The following RARB variants were observed in gnomAD, a reference collection of about 807,000 sequenced individuals.
RARB encodes HBV-activated protein.
A neutral mutation model predicts 51.9 loss-of-function variants in RARB; 17 were observed. The ratio of observed to expected loss-of-function variants is 0.33; its 90% CI spans 0.22 to 0.49. The LOEUF is 0.49. Among genes scored for constraint, RARB ranks in the 20% least tolerant of loss-of-function variants. The pLI is 0.99. For missense variants in RARB, 369 were observed against 550.8 expected, an observed-to-expected ratio of 0.67 and a Z score of 3.30; for synonymous variants, 215 against 195.4, an observed-to-expected ratio of 1.10 and a Z score of -0.84.
chr3:25,285,255 A>C lies in RARB; in HGVS notation c.178+110680A>C, dbSNP rs1364879917. Among the ~76,000 whole-genome samples, 3 of 152,214 alleles carry C rather than the reference A, an allele frequency of 2.0e-5. No homozygotes were observed. In the East Asian group the frequency reaches 5.8e-4, roughly 29 times the overall value. On this transcript the variant is annotated intron_variant, in intron 5 of 11. Coordinates refer to the RARB transcript ENST00000383772. ...TAGACAAAGCTCCACTGAGAAAGTG[A>C]TATGATGAATTCTGAAGAACAAATT...
At chr3:25,074,132 TAA>T (rs1253376522) in intron 3 of RARB, among the ~76,000 whole-genome samples, 1 of 152,310 alleles carries the variant, frequency 6.6e-6, no homozygotes, top group East Asian at 1.9e-4. Context: ...GGGATCAAAT[TAA>T]AGTGTATGTT....
chr3:24,981,565 C>T (rs1484456650), intron 2 of RARB, among the ~76,000 whole-genome samples: 3 of 152,064 alleles, frequency 2.0e-5, no homozygotes, highest in Non-Finnish European at 4.4e-5. Context: ...GAGAGCAAGG[C>T]TCTGTGGATG....
chr3:25,164,135 TG>T (rs1700523049), intron 4 of RARB, among the ~76,000 whole-genome samples: 1 of 152,070 alleles, frequency 6.6e-6, no homozygotes. Context: ...GTCTGGCCAC[TG>T]GGGAGAAGGT....
intron 2 of RARB, among the ~76,000 whole-genome samples, chr3:24,882,135 G>C (rs1354046135): frequency 1.3e-5 from 2 of 152,132 alleles, no homozygotes; most frequent in Non-Finnish European, 2.9e-5. Context: ...CAAGACTTAG[G>C]AGATTTAGTA....
chr3:25,442,227 C>T (rs1708726622), intron 1 of RARB, among the ~76,000 whole-genome samples: 1 of 152,062 alleles, frequency 6.6e-6, no homozygotes, highest in Non-Finnish European at 1.5e-5. Context: ...CCTCCGCCTC[C>T]CGTGTTCAAG....
At position 24,970,173 on chromosome 3, in the gene RARB, A is replaced by G. The variant is rs766744573; in HGVS notation, c.-379-89952A>G. Among the ~76,000 whole-genome samples the G allele has an allele frequency of 1.1e-4, 17 of 152,214 alleles. No individual in the cohort carries two copies. In the South Asian group the frequency reaches 1.2e-3, roughly 11 times the overall value. On this transcript the variant is annotated intron_variant, in intron 2 of 11. Transcript: ENST00000383772. The stretch of plus-strand genomic sequence containing the variant: ...GTTTCAATTAAACTTTATCAAAGCA[A>G]CAGTGAGCCAGATTTGGCCTATGGC...
At chr3:24,966,606 AT>A (rs1696278287) in intron 2 of RARB, among the ~76,000 whole-genome samples, 1 of 140,228 alleles carries the variant, frequency 7.1e-6, no homozygotes, top group Non-Finnish European at 1.5e-5. Context: ...GTTTACATTC[AT>A]CTCTCTCTCT....
At chr3:25,510,363 C>T (rs966463448) in intron 3 of RARB, among the ~76,000 whole-genome samples, 1 of 152,214 alleles carries the variant, frequency 6.6e-6, no homozygotes, top group African/African-American at 2.4e-5. Flanking sequence ...GTGGCCCACA[C>T]CTGTAATCCC....
chr3:25,326,141 G>A (rs1028947058), intron 5 of RARB, among the ~76,000 whole-genome samples: 1 of 152,226 alleles, frequency 6.6e-6, no homozygotes, highest in African/African-American at 2.4e-5. Flanking sequence ...TACCCCAGAA[G>A]TGAAGTGAGT....
chr3:25,165,180 A>C (rs926458499), intron 4 of RARB, among the ~76,000 whole-genome samples: 1 of 152,128 alleles, frequency 6.6e-6, no homozygotes, highest in Non-Finnish European at 1.5e-5. Context: ...CGTTCTTGAC[A>C]CTAAAGCCAA....
intron 5 of RARB, among the ~76,000 whole-genome samples, chr3:25,406,368 C>T (rs577656786): frequency 2.6e-4 from 39 of 152,284 alleles, no homozygotes; most frequent in Non-Finnish European, 4.3e-4. Context: ...ACAGACTGGG[C>T]GGCTCAAACA....
In RARB at chr3:25,454,799, T is replaced by A. The variant is rs543899887; in HGVS notation, c.158-6394T>A. Among the ~76,000 whole-genome samples the A allele has an allele frequency of 2.6e-5, 4 of 152,384 alleles. No individual in the cohort carries two copies. In the East Asian group the frequency reaches 7.7e-4, roughly 29 times the overall value. ...GTGAAGGGAGCTATTGTCGAAGACT[T>A]TCTGTGTGTTTAAATGACACTCAGG... is the stretch of plus-strand genomic sequence containing the variant. On this transcript the variant is annotated intron_variant, in intron 1 of 7. Transcript: ENST00000330688.
intron 5 of RARB, among the ~76,000 whole-genome samples, chr3:25,259,726 T>C (rs1045005098): frequency 2.0e-5 from 3 of 152,188 alleles, no homozygotes; most frequent in African/African-American, 7.2e-5. Flanking sequence ...TTTCTACATA[T>C]AAATAATATT....
chr3:25,245,386 A>G (rs1447726396), intron 5 of RARB, among the ~76,000 whole-genome samples: 6 of 152,064 alleles, frequency 3.9e-5, no homozygotes, highest in South Asian at 4.1e-4. Flanking sequence ...TTGATGCACT[A>G]TCTTCATAGT....
chr3:25,355,982 G>A (rs1705722416), intron 5 of RARB, among the ~76,000 whole-genome samples: 1 of 151,992 alleles, frequency 6.6e-6, no homozygotes, highest in African/African-American at 2.4e-5. Context: ...CAAAGAAAAT[G>A]CTCATATCAT....
intron 3 of RARB, among the ~76,000 whole-genome samples, chr3:25,077,173 C>G (rs1698887189): frequency 6.6e-6 from 1 of 152,216 alleles, no homozygotes; most frequent in Non-Finnish European, 1.5e-5. Context: ...TTTTCCTAAA[C>G]TACTCCTTCT....
intron 2 of RARB, among the ~76,000 whole-genome samples, chr3:24,923,547 G>GCT (rs1470088511): frequency 6.6e-6 from 1 of 151,520 alleles, no homozygotes; most frequent in Non-Finnish European, 1.5e-5. Flanking sequence ...TAGAGACAAA[G>GCT]CTCTAGCTCT....
intron 2 of RARB, among the ~76,000 whole-genome samples, chr3:24,882,439 G>A (rs1268410079): frequency 6.6e-6 from 1 of 152,170 alleles, no homozygotes; most frequent in East Asian, 1.9e-4. Flanking sequence ...ATATGGAAGG[G>A]TAGGCATAGG....
At chr3:25,325,032 C>G (rs974348004) in intron 5 of RARB, among the ~76,000 whole-genome samples, 6 of 152,160 alleles carry the variant, frequency 3.9e-5, no homozygotes, top group South Asian at 2.1e-4. Flanking sequence ...AATGGCTACT[C>G]CATAGGCAGA....
Sources: allele counts gnomAD v4.1 joint callset (sites outside exome capture counted in the v4.1 genomes callset), GRCh38; gene constraint gnomAD v4.1.1; transcripts MANE v1.5; gene names NCBI Gene and HGNC (gene_info 2026-07-23, HGNC 2026-07-21).